PWWP3A: variants seen among roughly 807,000 people sequenced by gnomAD.
The protein encoded by PWWP3A is PWWP domain containing 3A, DNA repair factor.
Under a neutral mutation model 79.0 loss-of-function variants are expected in PWWP3A, and 53 were observed. The observed-to-expected ratio is 0.67, with a 90% CI of 0.54 to 0.84. The LOEUF (loss-of-function observed/expected upper bound fraction) is 0.84, where lower values mean the gene tolerates loss of function less well. Ranked by LOEUF, PWWP3A falls within the 40% of genes least tolerant of loss-of-function variation. The pLI is 0.00. For synonymous variants in PWWP3A, 443 were observed against 394.4 expected, an observed-to-expected ratio of 1.12 and a Z score of -1.46; for missense variants, 973 against 948.0, an observed-to-expected ratio of 1.03 and a Z score of -0.35.
At position 1,377,398 on chromosome 19, in the gene PWWP3A, C is replaced by T. The variant is rs1240390309; in HGVS notation, c.*822C>T. On this transcript the variant is annotated 3_prime_UTR_variant, in exon 14 of 14. Transcript: ENST00000591337. Reference sequence around the variant, plus strand: ...CTATGCTGGGGTCCCAGGGTGGCCGCAGCAGTCAGGGTCACTGTGGGAGCC... The same window carrying T: ...CTATGCTGGGGTCCCAGGGTGGCCGTAGCAGTCAGGGTCACTGTGGGAGCC... 6.6e-6 allele frequency: 1 copy of T among 152,544 alleles called. No individual in the cohort carries two copies. Among genetic ancestry groups the T allele is most frequent in the Non-Finnish European group, 1.5e-5 (1 of 68,292 alleles). 9.4% of individuals were successfully genotyped at this position (152,544 alleles called of 1,614,324 possible). A position where few individuals can be genotyped will look rare whatever the true frequency, so the allele number is the denominator to read the frequency against.
chr19:1,367,606 G>A (rs754045003), intron 9 of PWWP3A, among the ~76,000 whole-genome samples: 9 of 152,250 alleles, frequency 5.9e-5, no homozygotes, highest in African/African-American at 2.2e-4. Context: ...GCCCCTTGCG[G>A]CCGGGGGCGT....
intron 11 of PWWP3A, 125 bp from the exon 12 acceptor site, chr19:1,370,517 C>T (rs73920446): frequency 0.11 from 93,247 of 850,752 alleles, 5,540 homozygotes; most frequent in Admixed American, 0.18. Context: ...CGTGCTAACA[C>T]GGAGCTCGAT....
rs745377021 is a variant in PWWP3A at position 1,376,535 on chromosome 19, G to GACAACCAGCTCCTTGAAGAGC, written c.2093_2113dup (p.Glu704_Arg705insHisAsnGlnLeuLeuGluGlu). On this transcript the variant is annotated inframe_insertion, in exon 14 of 14. Transcript: ENST00000591337. The stretch of plus-strand genomic sequence containing the variant: ...TTTCTGAAGGGAAAAAGAAATATTT[G>GACAACCAGCTCCTTGAAGAGC]ACAACCAGCTCCTTGAAGAGCGGAA... 1 of 1,613,364 alleles carries GACAACCAGCTCCTTGAAGAGC rather than the reference G, an allele frequency of 6.2e-7. No individual in the cohort carries two copies.
chr19:1,356,744 A>G (rs1368227429), intron 2 of PWWP3A, among the ~76,000 whole-genome samples: 1 of 151,868 alleles, frequency 6.6e-6, no homozygotes, highest in Admixed American at 6.6e-5. Context: ...ATAGTAAATT[A>G]TGGTCGTGTT....
chr19:1,372,920 T>C, intron 12 of PWWP3A, 152 bp from the exon 13 acceptor site: 1 of 609,706 alleles, frequency 1.6e-6, no homozygotes, highest in South Asian at 2.0e-5. Flanking sequence ...CAGGGATTCA[T>C]GGACTAGGTT....
chr19:1,363,849 T>C (rs1277189372), intron 6 of PWWP3A, among the ~76,000 whole-genome samples: 1 of 152,236 alleles, frequency 6.6e-6, no homozygotes, highest in African/African-American at 2.4e-5. Context: ...GGTTTTGATC[T>C]GTGTTTATGG....
At chr19:1,361,475 G>T (rs1188161160) in intron 5 of PWWP3A, among the ~76,000 whole-genome samples, 1 of 152,232 alleles carries the variant, frequency 6.6e-6, no homozygotes, top group African/African-American at 2.4e-5. Flanking sequence ...GAATTCCTGT[G>T]CAGATATATT....
chr19:1,360,666 A>G lies in PWWP3A; in HGVS notation c.745A>G (p.Ser249Gly). Residue 249 changes from serine to glycine, a missense_variant, in exon 5 of 14, where the codon AGC becomes GGC. Coordinates refer to ENST00000591337, the MANE Select transcript of PWWP3A (RefSeq NM_001369789.1). This position sits in a 1 kb window ranked among gnomAD's most constrained non-coding sequence, Gnocchi z 4.4. ...GAGAGACATGGGGAGCAAAGGAGGC[A>G]GCTGGGCAGCCCCGTCCTTGCCCTC... is the stretch of plus-strand genomic sequence containing the variant. ...TERDMGSKGG[S>G]WAAPSLPSGV... 1 of 1,613,244 alleles carries G rather than the reference A, an allele frequency of 6.2e-7. No homozygotes were observed. Among genetic ancestry groups the G allele is most frequent in the South Asian group, 1.1e-5 (1 of 90,986 alleles).
At position 1,369,610 on chromosome 19, in the gene PWWP3A, G is replaced by A. The variant is rs1044011084; in HGVS notation, c.1513G>A (p.Ala505Thr). ...ACCCCCTGCAGGCTGCGGGTCTTTT[G>A]CTGGCTCTTTCCTGGAATATTACGC... Reference protein sequence around the residue: ...YRVRLGCGSFAGSFLEYYAAD... With the variant: ...YRVRLGCGSFTGSFLEYYAAD... Residue 505 changes from alanine to threonine, a missense_variant, in exon 11 of 14, where the codon GCT (alanine) becomes ACT (threonine). Physicochemically the swap from Ala to Thr is moderately conservative, Grantham distance 58. Coordinates refer to ENST00000591337, the MANE Select transcript of PWWP3A (RefSeq NM_001369789.1). This position sits in a 1 kb window ranked among gnomAD's most constrained non-coding sequence, Gnocchi z 4.0. 1.1e-5 allele frequency: 18 copies of A among 1,614,214 alleles called. No homozygotes were observed. The Admixed American group carries it at 1.7e-4, about 15-fold the overall frequency.
At chr19:1,375,650 TTG>T (rs2082368531) in intron 13 of PWWP3A, among the ~76,000 whole-genome samples, 2 of 138,286 alleles carry the variant, frequency 1.4e-5, no homozygotes, top group South Asian at 2.1e-4. Context: ...TAATATATAA[TTG>T]TATATATTAT....
chr19:1,374,146 C>G (rs1044313746), intron 13 of PWWP3A: 5 of 152,156 alleles, frequency 3.3e-5, no homozygotes, highest in African/African-American at 1.2e-4. Context: ...TCAGAAGCCT[C>G]TTCACCGCTC....
In PWWP3A at chr19:1,377,505, C is replaced by T. The variant is rs541629079; in HGVS notation, c.*929C>T. 2 of 152,520 alleles carry T rather than the reference C, an allele frequency of 1.3e-5. No individual in the cohort carries two copies. The highest frequency in any genetic ancestry group is 3.9e-4 in the East Asian group (2 of 5,190). The allele number at this position is 152,520 out of a possible 1,614,324, so 9.4% of individuals were successfully genotyped here. A position where few individuals can be genotyped will look rare whatever the true frequency, so the allele number is the denominator to read the frequency against. ...TTTGTATGGAGGCCCAACCGCGCTCCCGTCTGGAGAAGCGGCTTCCGGGGT... is the reference window on the plus strand; with the variant it reads ...TTTGTATGGAGGCCCAACCGCGCTCTCGTCTGGAGAAGCGGCTTCCGGGGT... On this transcript the variant is annotated 3_prime_UTR_variant, in exon 14 of 14. Coordinates refer to ENST00000591337, the MANE Select transcript of PWWP3A (RefSeq NM_001369789.1).
chr19:1,375,832 G>C (rs948793339), intron 13 of PWWP3A, among the ~76,000 whole-genome samples: 2 of 135,584 alleles, frequency 1.5e-5, no homozygotes, highest in African/African-American at 5.6e-5. Flanking sequence ...TTGAGACAGA[G>C]TCTTGCTCTG....
intron 9 of PWWP3A, 55 bp downstream of exon 9, chr19:1,367,275 A>G: frequency 7.0e-7 from 1 of 1,429,392 alleles, no homozygotes; most frequent in Admixed American, 1.8e-5. Flanking sequence ...TGATTAGTAA[A>G]TATGTCCTCT....
chr19:1,361,127 G>A, intron 5 of PWWP3A, 95 bp downstream of exon 5: 2 of 1,248,290 alleles, frequency 1.6e-6, no homozygotes, highest in African/African-American at 1.6e-5. Flanking sequence ...TTTTTGACCA[G>A]ATTTTAATGA....
In PWWP3A at chr19:1,360,694, G is replaced by T; in HGVS notation, c.773G>T (p.Gly258Val). Residue 258 changes from glycine (G) to valine (V), a missense_variant, in exon 5 of 14, where the codon GGG becomes GTG. Coordinates refer to ENST00000591337, the MANE Select transcript of PWWP3A (RefSeq NM_001369789.1). The surrounding 1 kb of genome is among the most constrained non-coding windows in gnomAD (Gnocchi z 4.4). Reference sequence around the variant, plus strand: ...TGGGCAGCCCCGTCCTTGCCCTCCGGGGTCAGGGAGGACGATCCCTGTGCC... The same window carrying T: ...TGGGCAGCCCCGTCCTTGCCCTCCGTGGTCAGGGAGGACGATCCCTGTGCC... ...GSWAAPSLPS[G>V]VREDDPCANA... is the part of the protein sequence containing the mutation. 1 of 1,613,464 alleles carries T rather than the reference G, an allele frequency of 6.2e-7. No individual in the cohort carries two copies. The highest frequency in any genetic ancestry group is 1.1e-5 in the South Asian group (1 of 91,034).
At position 1,367,286 on chromosome 19, in the gene PWWP3A, G is replaced by C; in HGVS notation, c.1422+66G>C. On this transcript the variant is annotated intron_variant, in intron 9 of 13. Coordinates refer to ENST00000591337, the MANE Select transcript of PWWP3A (RefSeq NM_001369789.1). ...TTTGTGATTAGTAAATATGTCCTCTGTGTGTAGCTCTTGAAATCCATGGCT... is the reference window on the plus strand; with the variant it reads ...TTTGTGATTAGTAAATATGTCCTCTCTGTGTAGCTCTTGAAATCCATGGCT... 4 of 1,348,340 alleles carry C rather than the reference G, an allele frequency of 3.0e-6. No individual in the cohort carries two copies. In the South Asian group the frequency reaches 4.8e-5, roughly 16 times the overall value. The allele number at this position is 1,348,340 out of a possible 1,614,324, so 83.5% of individuals were successfully genotyped here. A position where few individuals can be genotyped will look rare whatever the true frequency, so the allele number is the denominator to read the frequency against.
At chr19:1,367,741 CAT>C (rs1218566410) in intron 9 of PWWP3A, among the ~76,000 whole-genome samples, 1 of 152,242 alleles carries the variant, frequency 6.6e-6, no homozygotes, top group Non-Finnish European at 1.5e-5. Flanking sequence ...CAGCTTTCAT[CAT>C]GTGCTGTCGA....
Position 1,371,064 on chromosome 19 carries a change from GTGCTTC to G in PWWP3A, c.1976_1981del (p.Leu659_Leu660del). On this transcript the variant is annotated inframe_deletion, in exon 12 of 14. Coordinates refer to ENST00000591337, the MANE Select transcript of PWWP3A (RefSeq NM_001369789.1). Reference sequence around the variant, plus strand: ...CGACCGGATCCGGTTCATTCTGGACGTGCTTCTGCCCGAGGTGAGCCGCGGACCGGC... The same window carrying G: ...CGACCGGATCCGGTTCATTCTGGACGTGCCCGAGGTGAGCCGCGGACCGGC... The G allele has an allele frequency of 6.4e-7, 1 of 1,565,378 alleles. No homozygotes were observed.
Sources: gnomAD v4.1 joint callset for allele counts (sites outside exome capture counted in the v4.1 genomes callset) on GRCh38, gnomAD v4.1.1 for gene constraint, Gnocchi (gnomAD v3.1) non-coding constraint, MANE v1.5 for transcripts, NCBI Gene and HGNC (gene_info 2026-07-23, HGNC 2026-07-21) for gene names.